TAS2R1: variants seen among roughly 807,000 people sequenced by gnomAD.
TAS2R1 encodes taste receptor type 2 member 1.
For missense variants in TAS2R1, 370 were observed against 353.4 expected (o/e 1.05, Z -0.38); for synonymous variants, 141 against 134.2 (o/e 1.05, Z -0.35).
chr5:9,886,286 C>G, the TAS2R1 span, among the ~76,000 whole-genome samples: 1 of 151,492 alleles, frequency 6.6e-6, no homozygotes, highest in Non-Finnish European at 1.5e-5. Flanking sequence ...CCGGCCTCAG[C>G]CTCCCAAAGT....
At chr5:9,683,969 G>A (rs1203744240) in intron 1 of TAS2R1, among the ~76,000 whole-genome samples, 2 of 152,160 alleles carry the variant, frequency 1.3e-5, no homozygotes, top group Non-Finnish European at 2.9e-5. Context: ...GTAAAGGTAG[G>A]TGATGAAAAT....
At chr5:9,739,237 T>C in the TAS2R1 span, among the ~76,000 whole-genome samples, 2 of 152,158 alleles carry the variant, frequency 1.3e-5, no homozygotes, top group Non-Finnish European at 2.9e-5. Flanking sequence ...TTTGGAGCTT[T>C]TCCTGGTGAA....
chr5:9,801,939 C>G, the TAS2R1 span, among the ~76,000 whole-genome samples: 1 of 152,198 alleles, frequency 6.6e-6, no homozygotes, highest in Admixed American at 6.5e-5. Flanking sequence ...GGTGGTCTTT[C>G]TCTACCCACC....
the TAS2R1 span, among the ~76,000 whole-genome samples, chr5:9,807,724 A>G: frequency 1.3e-5 from 2 of 152,178 alleles, no homozygotes; most frequent in Admixed American, 1.3e-4. Flanking sequence ...ATGAGGAAGC[A>G]AAGGCATAAG....
At chr5:9,725,536 G>A in the TAS2R1 span, among the ~76,000 whole-genome samples, 1 of 152,210 alleles carries the variant, frequency 6.6e-6, no homozygotes, top group East Asian at 1.9e-4. Context: ...TTTCTCGCCA[G>A]GCCTTAGCTG....
At chr5:9,664,136 T>A (rs1740587188) in intron 1 of TAS2R1, among the ~76,000 whole-genome samples, 1 of 152,086 alleles carries the variant, frequency 6.6e-6, no homozygotes, top group African/African-American at 2.4e-5. Flanking sequence ...GAACCATGCC[T>A]CCCTCATCGC....
intron 2 of TAS2R1, among the ~76,000 whole-genome samples, chr5:9,643,719 T>C (rs1740130545): frequency 6.6e-6 from 1 of 152,164 alleles, no homozygotes; most frequent in African/African-American, 2.4e-5. Flanking sequence ...GTAAATGTTG[T>C]TATATGGTGC....
At chr5:9,798,882 A>T in the TAS2R1 span, among the ~76,000 whole-genome samples, 3 of 152,182 alleles carry the variant, frequency 2.0e-5, no homozygotes, top group Non-Finnish European at 2.9e-5. Flanking sequence ...TATCCCTCAG[A>T]GGTATAGACA....
intron 1 of TAS2R1, among the ~76,000 whole-genome samples, chr5:9,702,641 C>T (rs984445170): frequency 3.9e-5 from 6 of 152,144 alleles, no homozygotes; most frequent in Non-Finnish European, 1.5e-5. Context: ...TTGAGGTTGA[C>T]GTGTTTCACA....
At chr5:9,840,838 TTTA>T in the TAS2R1 span, among the ~76,000 whole-genome samples, 2 of 13,268 alleles carry the variant, frequency 1.5e-4, no homozygotes, top group Non-Finnish European at 3.9e-4. Flanking sequence ...TTTTATTTTA[TTTA>T]TTTATTTATT....
At chr5:9,794,221 G>A in the TAS2R1 span, among the ~76,000 whole-genome samples, 1 of 152,162 alleles carries the variant, frequency 6.6e-6, no homozygotes, top group Admixed American at 6.5e-5. Flanking sequence ...TTCTAGACTT[G>A]TGGTTTGAAT....
intron 1 of TAS2R1, among the ~76,000 whole-genome samples, chr5:9,698,606 G>A (rs988163804): frequency 1.3e-5 from 2 of 152,088 alleles, no homozygotes; most frequent in Non-Finnish European, 2.9e-5. Flanking sequence ...CCTAAAAGAG[G>A]GGAAGGGAAA....
chr5:9,856,775 G>A, the TAS2R1 span, among the ~76,000 whole-genome samples: 1 of 152,108 alleles, frequency 6.6e-6, no homozygotes, highest in Non-Finnish European at 1.5e-5. Flanking sequence ...AGAAGAAACA[G>A]TAGAATAACT....
chr5:9,654,611 A>AT (rs1191392179), intron 2 of TAS2R1, among the ~76,000 whole-genome samples: 2 of 152,224 alleles, frequency 1.3e-5, no homozygotes, highest in Non-Finnish European at 2.9e-5. Context: ...CCATAAAATC[A>AT]TTTTGGTATT....
At chr5:9,643,939 A>C (rs1436147182) in intron 2 of TAS2R1, among the ~76,000 whole-genome samples, 2 of 152,178 alleles carry the variant, frequency 1.3e-5, no homozygotes, top group Admixed American at 6.5e-5. Flanking sequence ...TGAACACTTC[A>C]GGCAGAGAGA....
the TAS2R1 span, among the ~76,000 whole-genome samples, chr5:9,800,642 C>T: frequency 3.5e-3 from 526 of 152,286 alleles, 1 homozygote; most frequent in African/African-American, 0.012. Flanking sequence ...CTCTGCAGCA[C>T]CTTGAATGCC....
chr5:9,878,808 T>C, the TAS2R1 span, among the ~76,000 whole-genome samples: 106 of 152,338 alleles, frequency 7.0e-4, 1 homozygote, highest in Admixed American at 2.0e-3. Flanking sequence ...GTAGGAACTG[T>C]GTCAACTAAG....
chr5:9,835,391 T>C, the TAS2R1 span, among the ~76,000 whole-genome samples: 14,481 of 152,244 alleles, frequency 0.095, 806 homozygotes, highest in East Asian at 0.21. Flanking sequence ...TCAGGTGACC[T>C]AGACCCATTC....
intron 1 of TAS2R1, among the ~76,000 whole-genome samples, chr5:9,669,341 T>A (rs1740705165): frequency 2.6e-5 from 4 of 152,156 alleles, no homozygotes; most frequent in Non-Finnish European, 4.4e-5. Flanking sequence ...CTGACAGTAT[T>A]AGACAGATCA....
Sources: allele counts gnomAD v4.1 joint callset (sites outside exome capture counted in the v4.1 genomes callset), GRCh38; gene constraint gnomAD v4.1.1; transcripts MANE v1.5; gene names NCBI Gene and HGNC (gene_info 2026-07-23, HGNC 2026-07-21).